Variants in STX8 observed in about 807,000 individuals in gnomAD.
STX8 encodes the protein syntaxin-8.
STX8 carries 23 observed loss-of-function variants against 37.5 expected under a neutral mutation model. That is an observed-to-expected ratio of 0.61 (90% CI 0.44 to 0.87). STX8 has a LOEUF of 0.87. Among genes scored for constraint, STX8 ranks in the 40% least tolerant of loss-of-function variants. The probability of loss-of-function intolerance (pLI) is 0.00; values close to 1 mark genes in which losing one functional copy is unlikely to be tolerated. For synonymous variants in STX8, 115 were observed against 99.1 expected (o/e 1.16, Z -0.95); for missense variants, 313 against 284.7 (o/e 1.10, Z -0.71).
At chr17:9,406,308 C>CA (rs1179510800) in intron 6 of STX8, among the ~76,000 whole-genome samples, 1 of 152,004 alleles carries the variant, frequency 6.6e-6, no homozygotes, top group East Asian at 1.9e-4. Context: ...GCACTAAACA[C>CA]AAAAAATAAG....
chr17:9,477,817 CTGTGGCCCAAGGTG>C, intron 6 of STX8, among the ~76,000 whole-genome samples: 1 of 152,178 alleles, frequency 6.6e-6, no homozygotes, highest in Non-Finnish European at 1.5e-5. Context: ...GTGGGGGTGG[CTGTGGCCCAAGGTG>C]GGTGGCCTGA....
chr17:9,354,542 G>T (rs1169704358), intron 7 of STX8, among the ~76,000 whole-genome samples: 1 of 151,608 alleles, frequency 6.6e-6, no homozygotes, highest in Non-Finnish European at 1.5e-5. Context: ...GGCTGGTCTT[G>T]ATCTCCTAAT....
intron 6 of STX8, among the ~76,000 whole-genome samples, chr17:9,388,473 T>C (rs1213773841): frequency 3.9e-5 from 6 of 151,946 alleles, no homozygotes; most frequent in Non-Finnish European, 2.9e-5. Flanking sequence ...ATAACAACAG[T>C]GTAATTCCCC....
At chr17:9,435,539 A>C (rs1904402839) in intron 6 of STX8, among the ~76,000 whole-genome samples, 1 of 152,228 alleles carries the variant, frequency 6.6e-6, no homozygotes, top group South Asian at 2.1e-4. Context: ...TTCCCCAGAC[A>C]AATTAAAAAC....
intron 6 of STX8, among the ~76,000 whole-genome samples, chr17:9,457,892 AAGG>A (rs1426563118): frequency 1.3e-5 from 2 of 152,228 alleles, no homozygotes; most frequent in Non-Finnish European, 2.9e-5. Context: ...AATTTTTGAC[AAGG>A]AGAATAGGTT....
chr17:9,375,362 A>G (rs931695440), intron 7 of STX8, among the ~76,000 whole-genome samples: 2 of 152,200 alleles, frequency 1.3e-5, no homozygotes, highest in Non-Finnish European at 2.9e-5. Flanking sequence ...GGGTAAAAAT[A>G]CTACACACCA....
chr17:9,519,663 C>T (rs1567595181), intron 4 of STX8, among the ~76,000 whole-genome samples: 1 of 152,142 alleles, frequency 6.6e-6, no homozygotes, highest in African/African-American at 2.4e-5. Flanking sequence ...TACAACATGG[C>T]TACGATCTCT....
intron 7 of STX8, among the ~76,000 whole-genome samples, chr17:9,298,160 ACT>A (rs57049797): frequency 0.57 from 86,771 of 151,810 alleles, 25,026 homozygotes; most frequent in East Asian, 0.7. Flanking sequence ...GGGAAAGCAC[ACT>A]CTGTTTCTGA....
chr17:9,388,067 T>C (rs73257831), intron 6 of STX8, among the ~76,000 whole-genome samples: 1,548 of 149,020 alleles, frequency 0.01, 28 homozygotes, highest in African/African-American at 0.036. Flanking sequence ...TCTAAACAAC[T>C]CTATTTTTTT....
intron 7 of STX8, among the ~76,000 whole-genome samples, chr17:9,367,975 A>G (rs192748748): frequency 1.5e-3 from 224 of 152,076 alleles, no homozygotes; most frequent in African/African-American, 5.2e-3. Flanking sequence ...CAGGTGATCC[A>G]CCTGCCTCAG....
intron 4 of STX8, among the ~76,000 whole-genome samples, chr17:9,509,389 A>C (rs1210999719): frequency 6.6e-6 from 1 of 150,472 alleles, no homozygotes; most frequent in East Asian, 1.9e-4. Flanking sequence ...TTTTATGTTC[A>C]AAGTACTAAA....
At chr17:9,428,967 G>A (rs1913743327) in intron 6 of STX8, among the ~76,000 whole-genome samples, 1 of 151,980 alleles carries the variant, frequency 6.6e-6, no homozygotes, top group Admixed American at 6.6e-5. Context: ...CAACCAATGA[G>A]GCACAAAACA....
At chr17:9,287,728 T>C (rs937738276) in intron 7 of STX8, among the ~76,000 whole-genome samples, 2 of 152,104 alleles carry the variant, frequency 1.3e-5, no homozygotes, top group Non-Finnish European at 2.9e-5. Context: ...CCCATGCCTA[T>C]AGAACTTTCA....
chr17:9,544,087 C>T lies in STX8; in HGVS notation c.323+1085G>A, dbSNP rs188076345. Reference sequence around the variant, plus strand: ...GTCAGAGGTGGAGTCTGACAATGCACGGCTAGGGTCCAAAACCACTGCCCT... The same window carrying T: ...GTCAGAGGTGGAGTCTGACAATGCATGGCTAGGGTCCAAAACCACTGCCCT... On this transcript the variant is annotated intron_variant, in intron 4 of 7. Coordinates refer to ENST00000306357, the MANE Select transcript of STX8 (RefSeq NM_004853.3). Among the ~76,000 whole-genome samples the T allele has an allele frequency of 6.2e-4, 94 of 152,272 alleles. 2 individuals carry two copies. Among genetic ancestry groups the T allele is most frequent in the Admixed American group, 3.9e-4 (6 of 15,292 alleles).
intron 5 of STX8, among the ~76,000 whole-genome samples, chr17:9,492,834 G>A (rs1368890732): frequency 2.0e-5 from 3 of 152,130 alleles, no homozygotes; most frequent in Non-Finnish European, 2.9e-5. Flanking sequence ...GGTGGCTCAC[G>A]CCTGTAATCC....
At chr17:9,344,868 T>C (rs1205097962) in intron 7 of STX8, among the ~76,000 whole-genome samples, 4 of 152,200 alleles carry the variant, frequency 2.6e-5, no homozygotes, top group Non-Finnish European at 5.9e-5. Context: ...TTGCATCTGG[T>C]TTAGTGACTT....
At position 9,330,781 on chromosome 17, in the gene STX8, G is replaced by T. The variant is rs552388804; in HGVS notation, c.643+47771C>A. Among the ~76,000 whole-genome samples the T allele has an allele frequency of 7.0e-4, 107 of 152,290 alleles. No homozygotes were observed. The Middle Eastern group carries it at 0.017, about 24-fold the overall frequency. Reference sequence around the variant, plus strand: ...TTCCAGGCTGAGCCCCTATTCAGAGGGGGCTGCAGCTTGCGCGTAATGGGC... The same window carrying T: ...TTCCAGGCTGAGCCCCTATTCAGAGTGGGCTGCAGCTTGCGCGTAATGGGC... On this transcript the variant is annotated intron_variant, in intron 7 of 7. Coordinates refer to ENST00000306357, the MANE Select transcript of STX8 (RefSeq NM_004853.3).
chr17:9,523,495 T>G (rs1392207281), intron 4 of STX8, among the ~76,000 whole-genome samples: 1 of 152,154 alleles, frequency 6.6e-6, no homozygotes, highest in Non-Finnish European at 1.5e-5. Context: ...CATGCCTTTT[T>G]GACACCATCT....
intron 6 of STX8, among the ~76,000 whole-genome samples, chr17:9,407,737 G>A (rs1431315925): frequency 6.6e-6 from 1 of 152,206 alleles, no homozygotes; most frequent in Non-Finnish European, 1.5e-5. Context: ...TTTTCTGGTT[G>A]ACAATTGGTT....
Sources: allele counts gnomAD v4.1 joint callset (sites outside exome capture counted in the v4.1 genomes callset), GRCh38; gene constraint gnomAD v4.1.1; transcripts MANE v1.5; gene names NCBI Gene and HGNC (gene_info 2026-07-23, HGNC 2026-07-21).